The following PRKG1 variants were observed in gnomAD, a reference collection of about 807,000 sequenced individuals.
PRKG1 encodes protein kinase cGMP-dependent 1.
Under a neutral mutation model 88.1 loss-of-function variants are expected in PRKG1, and 35 were observed. The ratio of observed to expected loss-of-function variants is 0.40; its 90% CI spans 0.30 to 0.53. The LOEUF (loss-of-function observed/expected upper bound fraction) is 0.53, where lower values mean the gene tolerates loss of function less well. Among genes scored for constraint, PRKG1 ranks in the 20% least tolerant of loss-of-function variants. The probability of loss-of-function intolerance (pLI) is 0.59; values close to 1 mark genes in which losing one functional copy is unlikely to be tolerated. For missense variants in PRKG1, 540 were observed against 839.8 expected, an observed-to-expected ratio of 0.64 and a Z score of 4.41; for synonymous variants, 303 against 292.5, an observed-to-expected ratio of 1.04 and a Z score of -0.37.
chr10:51,625,247 C>T (rs548256702), intron 3 of PRKG1, among the ~76,000 whole-genome samples: 19 of 152,036 alleles, frequency 1.2e-4, no homozygotes, highest in Non-Finnish European at 2.1e-4. Flanking sequence ...GGAGGCTGAG[C>T]GGGTGGATCA....
chr10:51,258,784 A>G (rs909305714), intron 2 of PRKG1, among the ~76,000 whole-genome samples: 21 of 152,214 alleles, frequency 1.4e-4, no homozygotes, highest in African/African-American at 5.1e-4. Context: ...CTTATTACAA[A>G]TCTACCCACT....
At chr10:52,287,154 G>A (rs901718271) in intron 14 of PRKG1, among the ~76,000 whole-genome samples, 2 of 151,900 alleles carry the variant, frequency 1.3e-5, no homozygotes, top group Non-Finnish European at 2.9e-5. Context: ...TTGCCAAGAT[G>A]TGGCTCCTCC....
intron 1 of PRKG1, among the ~76,000 whole-genome samples, chr10:51,024,148 A>G (rs1435549854): frequency 2.0e-5 from 3 of 152,208 alleles, no homozygotes; most frequent in African/African-American, 4.8e-5. Flanking sequence ...ATTTACACAT[A>G]AAAAGAAGGC....
At chr10:52,027,778 T>TTTATTA (rs374863850) in intron 5 of PRKG1, among the ~76,000 whole-genome samples, 18 of 151,722 alleles carry the variant, frequency 1.2e-4, no homozygotes, top group African/African-American at 3.4e-4. Context: ...CTGTTCTATC[T>TTTATTA]TTATTATTAT....
intron 1 of PRKG1, among the ~76,000 whole-genome samples, chr10:51,151,569 G>GTT (rs11326259): frequency 6.8e-6 from 1 of 146,236 alleles, no homozygotes; most frequent in South Asian, 2.2e-4. Flanking sequence ...TTTTGTTTTT[G>GTT]TTTTTTTTTT....
chr10:51,656,394 T>A (rs1217529829), intron 3 of PRKG1, among the ~76,000 whole-genome samples: 1 of 152,104 alleles, frequency 6.6e-6, no homozygotes, highest in Non-Finnish European at 1.5e-5. Flanking sequence ...TATGTGCACA[T>A]CAATTCATTC....
intron 3 of PRKG1, among the ~76,000 whole-genome samples, chr10:51,661,732 T>C (rs1369897781): frequency 2.0e-5 from 3 of 152,190 alleles, no homozygotes; most frequent in African/African-American, 7.2e-5. Flanking sequence ...TTACTGGGTA[T>C]ATACCCAAAG....
At chr10:51,292,047 C>T (rs1840597290) in intron 2 of PRKG1, among the ~76,000 whole-genome samples, 1 of 151,996 alleles carries the variant, frequency 6.6e-6, no homozygotes, top group Non-Finnish European at 1.5e-5. Flanking sequence ...TAGGGGGAGC[C>T]TTAAAAAGAC....
At chr10:51,752,610 CG>C (rs1837754742) in intron 3 of PRKG1, among the ~76,000 whole-genome samples, 1 of 152,108 alleles carries the variant, frequency 6.6e-6, no homozygotes. Context: ...TTTGTTTCTA[CG>C]GTTAAATAGA....
At chr10:51,983,275 C>T (rs1844062224) in intron 5 of PRKG1, among the ~76,000 whole-genome samples, 2 of 152,104 alleles carry the variant, frequency 1.3e-5, no homozygotes, top group Non-Finnish European at 2.9e-5. Context: ...GAAGGTTACC[C>T]TCCAGGCCCC....
intron 1 of PRKG1, among the ~76,000 whole-genome samples, chr10:51,146,692 G>C (rs975363658): frequency 3.3e-5 from 5 of 151,958 alleles, no homozygotes; most frequent in Non-Finnish European, 7.4e-5. Context: ...TCTTCTAGTA[G>C]TTTTATAGTT....
At chr10:52,081,040 C>G (rs1564460492) in intron 7 of PRKG1, among the ~76,000 whole-genome samples, 2 of 152,180 alleles carry the variant, frequency 1.3e-5, no homozygotes, top group South Asian at 2.1e-4. Context: ...CTTCCTTCAC[C>G]CCAATAGGTG....
rs1469003620 is a variant in PRKG1 at position 52,067,964 on chromosome 10, G to C, written c.935+5333G>C. ...TCACGCCTGTAATCCCAGCACTTTG[G>C]GAGGCCGAGACGGGCGGATCACGAG... On this transcript the variant is annotated intron_variant, in intron 7 of 17. Transcript: ENST00000373980. 2.9e-5 allele frequency among the ~76,000 whole-genome samples: 3 copies of C among 104,984 alleles called. 1 individual carries two copies. The South Asian group carries it at 1.2e-3, about 42-fold the overall frequency. The allele number at this position is 104,984 out of a possible 152,430, so 68.9% of individuals were successfully genotyped here.
intron 7 of PRKG1, among the ~76,000 whole-genome samples, chr10:52,092,187 A>T (rs1166992540): frequency 6.6e-6 from 1 of 152,102 alleles, no homozygotes; most frequent in South Asian, 2.1e-4. Flanking sequence ...AGGGAGGATG[A>T]CTCATAAGGG....
intron 3 of PRKG1, among the ~76,000 whole-genome samples, chr10:51,760,878 G>A (rs1056846747): frequency 1.3e-5 from 2 of 152,182 alleles, no homozygotes; most frequent in African/African-American, 4.8e-5. Flanking sequence ...ACCGCGGGAG[G>A]CTGAAGCGGG....
At chr10:51,097,416 T>A (rs542053834) in intron 1 of PRKG1, among the ~76,000 whole-genome samples, 18 of 151,964 alleles carry the variant, frequency 1.2e-4, no homozygotes, top group Admixed American at 8.5e-4. Context: ...AGAGACGGGG[T>A]TTTGCCATGT....
intron 4 of PRKG1, among the ~76,000 whole-genome samples, chr10:51,898,274 C>CTGTT (rs1299689202): frequency 6.6e-6 from 1 of 152,150 alleles, no homozygotes; most frequent in African/African-American, 2.4e-5. Context: ...AACTGCTACC[C>CTGTT]TGTTCATCTT....
intron 4 of PRKG1, among the ~76,000 whole-genome samples, chr10:51,901,225 C>T (rs1841972418): frequency 6.6e-6 from 1 of 152,148 alleles, no homozygotes; most frequent in African/African-American, 2.4e-5. Context: ...GCACAGTTAC[C>T]ACTTGTGTTC....
intron 5 of PRKG1, among the ~76,000 whole-genome samples, chr10:52,016,207 A>G (rs143040160): frequency 6.6e-6 from 1 of 152,346 alleles, no homozygotes; most frequent in Admixed American, 6.5e-5. Flanking sequence ...TAATTTATAA[A>G]CAAAAGAGTT....
Sources: allele counts gnomAD v4.1 joint callset (sites outside exome capture counted in the v4.1 genomes callset), GRCh38; gene constraint gnomAD v4.1.1; transcripts MANE v1.5; gene names NCBI Gene and HGNC (gene_info 2026-07-23, HGNC 2026-07-21).